The following COL18A1 variants were observed in gnomAD, a reference collection of about 807,000 sequenced individuals.
COL18A1 encodes collagen alpha-1(XVIII) chain.
COL18A1 carries 133 observed loss-of-function variants against 168.0 expected under a neutral mutation model. The ratio of observed to expected loss-of-function variants is 0.79; its 90% CI spans 0.69 to 0.91. The LOEUF is 0.91. Ranked by LOEUF, COL18A1 falls within the 40% of genes least tolerant of loss-of-function variation. COL18A1 has a pLI of 0.00. For missense variants in COL18A1, 2,126 were observed against 1,925.4 expected (o/e 1.10, Z -1.95); for synonymous variants, 949 against 809.0 (o/e 1.17, Z -2.94).
In COL18A1 at chr21:45,473,506, G is replaced by C. The variant is rs947550789; in HGVS notation, c.652-389G>C. Among the ~76,000 whole-genome samples, 1 of 152,160 alleles carries C rather than the reference G, an allele frequency of 6.6e-6. No individual in the cohort carries two copies. Among genetic ancestry groups the C allele is most frequent in the African/African-American group, 2.4e-5 (1 of 41,416 alleles). ...TGAGGCCGCCTGGTGCTTGCGTAAA[G>C]CTCCCGGGACTTGGGGTTGGGGGAC... On this transcript the variant is annotated intron_variant, in intron 3 of 41. Transcript: ENST00000651438. The surrounding 1 kb of genome is among the most constrained non-coding windows in gnomAD (Gnocchi z 4.0).
At position 45,471,465 on chromosome 21, in the gene COL18A1, G is replaced by A. The variant is rs1176283851; in HGVS notation, c.652-2430G>A. 2.6e-5 allele frequency among the ~76,000 whole-genome samples: 4 copies of A among 152,192 alleles called. No homozygotes were observed. The highest frequency in any genetic ancestry group is 7.2e-5 in the African/African-American group (3 of 41,446). ...GAGCTTTGGGAGCAGGGAGGAAACC[G>A]AGGCTTCCTCCTCCTCAGCCTCTCC... On this transcript the variant is annotated intron_variant, in intron 3 of 41. Transcript: ENST00000651438. The surrounding 1 kb of genome is among the most constrained non-coding windows in gnomAD (Gnocchi z 4.4).
intron 7 of COL18A1, 83 bp downstream of exon 7, chr21:45,477,570 T>A: frequency 7.2e-7 from 1 of 1,395,372 alleles, no homozygotes; most frequent in Non-Finnish European, 9.9e-7. Flanking sequence ...TGAGCCCTGA[T>A]GAAGCCCCTC....
In COL18A1 at chr21:45,468,795, C is replaced by T. The variant is rs2035309392; in HGVS notation, c.651+9C>T. On this transcript the variant is annotated intron_variant, in intron 3 of 41. Coordinates refer to ENST00000651438, the MANE Select transcript of COL18A1 (RefSeq NM_001379500.1). ...ACCCTGACAAGTTCCAGGTAACCCC[C>T]ACTGTGCCGTCGCTGGGGGACTGGA... is the stretch of plus-strand genomic sequence containing the variant. 1 of 1,580,876 alleles carries T rather than the reference C, an allele frequency of 6.3e-7. No homozygotes were observed. The highest frequency in any genetic ancestry group is 8.6e-7 in the Non-Finnish European group (1 of 1,169,192).
chr21:45,418,745 G>A (rs905333314), intron 2 of COL18A1, among the ~76,000 whole-genome samples: 4 of 152,170 alleles, frequency 2.6e-5, no homozygotes, highest in African/African-American at 4.8e-5. Flanking sequence ...TCAGGGCAGC[G>A]GCACCTCCTC....
chr21:45,474,489 G>C (rs972270588), intron 4 of COL18A1, among the ~76,000 whole-genome samples: 3 of 150,074 alleles, frequency 2.0e-5, no homozygotes, highest in Admixed American at 6.6e-5. Flanking sequence ...CTGTGTGTGT[G>C]GTGTGTCTCT....
intron 2 of COL18A1, among the ~76,000 whole-genome samples, chr21:45,460,869 C>G (rs1001163483): frequency 6.6e-6 from 1 of 152,188 alleles, no homozygotes; most frequent in Non-Finnish European, 1.5e-5. Context: ...GTGTCAAGGG[C>G]CCAGTGCATT....
At chr21:45,510,488 T>C (rs2037516084) in intron 40 of COL18A1, among the ~76,000 whole-genome samples, 1 of 152,082 alleles carries the variant, frequency 6.6e-6, no homozygotes, top group Non-Finnish European at 1.5e-5. Context: ...GGGCATCCCA[T>C]GAGGCCCCCC....
chr21:45,411,774 GGGCA>G (rs1251333896), intron 2 of COL18A1, among the ~76,000 whole-genome samples: 36 of 132,924 alleles, frequency 2.7e-4, no homozygotes, highest in East Asian at 7.3e-4. Flanking sequence ...GGTGGGGGGG[GGGCA>G]GGCTGTGGTC....
chr21:45,505,384 C>T lies in COL18A1; in HGVS notation c.3040C>T (p.Pro1014Ser). The change falls in exon 36 of 42, where the codon CCC becomes TCC. Residue 1014 changes from proline (P) to serine (S), a missense_variant. Physicochemically the swap from Pro to Ser is moderately conservative, Grantham distance 74. Transcript: ENST00000651438. ...QTISVPGPPG[P>S]PGPPGPPGTM... Reference sequence around the variant, plus strand: ...TATCAGCGTTCCCGGCCCTCCGGGCCCCCCTGGGCCCCCTGGGCCCCCTGG... The same window carrying T: ...TATCAGCGTTCCCGGCCCTCCGGGCTCCCCTGGGCCCCCTGGGCCCCCTGG... 1 of 1,559,756 alleles carries T rather than the reference C, an allele frequency of 6.4e-7. No homozygotes were observed. The highest frequency in any genetic ancestry group is 1.1e-5 in the South Asian group (1 of 88,582).
intron 2 of COL18A1, among the ~76,000 whole-genome samples, chr21:45,415,214 G>A (rs1237259628): frequency 6.6e-6 from 1 of 152,222 alleles, no homozygotes; most frequent in African/African-American, 2.4e-5. Context: ...CCACTCTGTG[G>A]GGCAGGAAGT....
rs1415610283 is a variant in COL18A1, at chr21:45,463,037, G to A, written c.107-5205G>A. Among the ~76,000 whole-genome samples, 1 of 152,130 alleles carries A rather than the reference G, an allele frequency of 6.6e-6. No individual in the cohort carries two copies. The highest frequency in any genetic ancestry group is 2.1e-4 in the South Asian group (1 of 4,830). ...CTTTCTAATTTTCCTCTTACATGCT[G>A]CTGTTTTTCAATGTCCCGTTCTTTC... is the stretch of plus-strand genomic sequence containing the variant. On this transcript the variant is annotated intron_variant, in intron 2 of 41. Transcript: ENST00000651438. The surrounding 1 kb of genome is among the most constrained non-coding windows in gnomAD (Gnocchi z 4.0).
At chr21:45,477,578 C>T (rs2035723154) in intron 7 of COL18A1, 91 bp downstream of exon 7, 4 of 1,364,170 alleles carry the variant, frequency 2.9e-6, no homozygotes, top group Non-Finnish European at 3.1e-6. Flanking sequence ...GATGAAGCCC[C>T]TCTGTGCCCG....
chr21:45,472,688 A>G (rs1393606179), intron 3 of COL18A1, among the ~76,000 whole-genome samples: 1 of 151,990 alleles, frequency 6.6e-6, no homozygotes, highest in African/African-American at 2.4e-5. Context: ...ACTGTAGGCA[A>G]CGCCCTCCCC....
At chr21:45,436,913 G>T (rs2034118490) in intron 2 of COL18A1, among the ~76,000 whole-genome samples, 1 of 151,560 alleles carries the variant, frequency 6.6e-6, no homozygotes, top group Admixed American at 6.6e-5. Flanking sequence ...GGCTAGGGAG[G>T]GGCTGGCTAG....
chr21:45,506,124 T>A, intron 37 of COL18A1, 158 bp downstream of exon 37: 1 of 1,165,060 alleles, frequency 8.6e-7, no homozygotes, highest in Non-Finnish European at 1.2e-6. Flanking sequence ...TTTAGTAAAA[T>A]ACTTTTGTGA....
chr21:45,442,508 G>A (rs923164921), intron 2 of COL18A1, among the ~76,000 whole-genome samples: 3 of 152,242 alleles, frequency 2.0e-5, no homozygotes, highest in African/African-American at 4.8e-5. Flanking sequence ...CCTGGACATC[G>A]TAGTCTCTGT....
Position 45,496,496 on chromosome 21 carries a change from A to T in COL18A1, c.2509-4A>T, listed in dbSNP as rs775331354. The T allele has an allele frequency of 5.2e-6, 7 of 1,351,960 alleles. No individual in the cohort carries two copies. The highest frequency in any genetic ancestry group is 7.4e-6 in the Non-Finnish European group (7 of 941,434). The allele number at this position is 1,351,960 out of a possible 1,614,324, so 83.7% of individuals were successfully genotyped here. A position where few individuals can be genotyped will look rare whatever the true frequency, so the allele number is the denominator to read the frequency against. On this transcript the variant is annotated splice_polypyrimidine_tract_variant and splice_region_variant and intron_variant, in intron 29 of 41. Transcript: ENST00000651438. Reference sequence around the variant, plus strand: ...AGCCTAACAGCTCTCTGCCCTCCCCACAGGGAATGCCCGGCCCCCCAGGAC... The same window carrying T: ...AGCCTAACAGCTCTCTGCCCTCCCCTCAGGGAATGCCCGGCCCCCCAGGAC...
chr21:45,440,455 T>C (rs1265145365), intron 2 of COL18A1, among the ~76,000 whole-genome samples: 1 of 152,110 alleles, frequency 6.6e-6, no homozygotes, highest in African/African-American at 2.4e-5. Context: ...TGGGCCTCCG[T>C]GCCATGTTCC....
At chr21:45,466,543 C>T (rs971710356) in intron 2 of COL18A1, among the ~76,000 whole-genome samples, 1 of 152,218 alleles carries the variant, frequency 6.6e-6, no homozygotes, top group Non-Finnish European at 1.5e-5. Context: ...TGTTTGATTC[C>T]AGGACATCTG....
Sources: gnomAD v4.1 joint callset for allele counts (sites outside exome capture counted in the v4.1 genomes callset) on GRCh38, gnomAD v4.1.1 for gene constraint, Gnocchi (gnomAD v3.1) non-coding constraint, MANE v1.5 for transcripts, NCBI Gene and HGNC (gene_info 2026-07-23, HGNC 2026-07-21) for gene names.